The following RBFOX1 variants were observed in gnomAD, a reference collection of about 807,000 sequenced individuals.
The protein encoded by RBFOX1 is RNA binding fox-1 homolog 1, also known as RNA binding protein fox-1 homolog 1.
Under a neutral mutation model 57.7 loss-of-function variants are expected in RBFOX1, and 8 were observed. The ratio of observed to expected loss-of-function variants is 0.14; its 90% CI spans 0.08 to 0.25. RBFOX1 has a LOEUF of 0.25. Among genes scored for constraint, RBFOX1 ranks in the 10% least tolerant of loss-of-function variants. The pLI, the probability that RBFOX1 is intolerant of heterozygous loss-of-function variation, is 1.00. For synonymous variants in RBFOX1, 326 were observed against 222.4 expected (o/e 1.47, Z -4.15); for missense variants, 611 against 548.5 (o/e 1.11, Z -1.14).
chr16:5,544,597 C>G (rs1419415373), intron 2 of RBFOX1, among the ~76,000 whole-genome samples: 1 of 151,828 alleles, frequency 6.6e-6, no homozygotes, highest in East Asian at 1.9e-4. Context: ...TCAATAAAAC[C>G]AACAGCTAGT....
At chr16:6,684,652 A>G (rs2059160398) in intron 3 of RBFOX1, among the ~76,000 whole-genome samples, 1 of 152,186 alleles carries the variant, frequency 6.6e-6, no homozygotes, top group Non-Finnish European at 1.5e-5. Context: ...TGGCTTCTTT[A>G]TCAGTGTCTT....
At chr16:7,635,905 G>C (rs752423145) in intron 11 of RBFOX1, among the ~76,000 whole-genome samples, 1 of 152,058 alleles carries the variant, frequency 6.6e-6, no homozygotes, top group Non-Finnish European at 1.5e-5. Context: ...CCACCTCCTG[G>C]GTTCACACCA....
chr16:7,638,782 A>G (rs1236018113), intron 11 of RBFOX1, among the ~76,000 whole-genome samples: 1 of 152,098 alleles, frequency 6.6e-6, no homozygotes, highest in Non-Finnish European at 1.5e-5. Context: ...TGTTCCAATA[A>G]AACTTTATTT....
At chr16:7,181,296 G>C (rs912716793) in intron 4 of RBFOX1, among the ~76,000 whole-genome samples, 5 of 152,110 alleles carry the variant, frequency 3.3e-5, no homozygotes, top group Admixed American at 1.3e-4. Context: ...ATGAAGTACT[G>C]GATTCAGTAA....
chr16:6,758,725 C>G (rs949213258), intron 3 of RBFOX1, among the ~76,000 whole-genome samples: 1 of 152,128 alleles, frequency 6.6e-6, no homozygotes, highest in African/African-American at 2.4e-5. Context: ...ACATTAAATG[C>G]TTATATTGAT....
At chr16:7,358,545 C>G (rs994894156) in intron 4 of RBFOX1, among the ~76,000 whole-genome samples, 1 of 152,084 alleles carries the variant, frequency 6.6e-6, no homozygotes, top group Non-Finnish European at 1.5e-5. Context: ...CTCAGCCTCC[C>G]TAGCAGCTGG....
At chr16:5,917,675 C>T (rs914777358) in intron 4 of RBFOX1, among the ~76,000 whole-genome samples, 2 of 152,178 alleles carry the variant, frequency 1.3e-5, no homozygotes, top group African/African-American at 4.8e-5. Context: ...TGTCCCCAGT[C>T]CATGCCGCCA....
rs181069932 is a variant in RBFOX1 at position 6,856,990 on chromosome 16, G to C, written c.-15-195067G>C. Among the ~76,000 whole-genome samples, 352 of 152,296 alleles carry C rather than the reference G, an allele frequency of 2.3e-3. 2 individuals are homozygous for C. Among genetic ancestry groups the C allele is most frequent in the African/African-American group, 8.2e-3 (341 of 41,574 alleles). On this transcript the variant is annotated intron_variant, in intron 3 of 15. Coordinates refer to ENST00000550418, the MANE Select transcript of RBFOX1 (RefSeq NM_018723.4). The stretch of plus-strand genomic sequence containing the variant: ...AGGGACAAAGAGAAGGAGGACTTGA[G>C]ATAAATATTAGACATGCTTTGGAGT...
chr16:6,415,749 A>G (rs1271589095), intron 2 of RBFOX1, among the ~76,000 whole-genome samples: 4 of 152,170 alleles, frequency 2.6e-5, no homozygotes, highest in Non-Finnish European at 4.4e-5. Flanking sequence ...CTGTGTGCAG[A>G]GCTCCAATAT....
intron 3 of RBFOX1, among the ~76,000 whole-genome samples, chr16:6,981,599 G>T (rs535818710): frequency 6.6e-6 from 1 of 152,196 alleles, no homozygotes; most frequent in Admixed American, 6.5e-5. Flanking sequence ...AGGCCTCACA[G>T]TCATGATGGG....
chr16:5,980,095 T>C (rs1373745512), intron 4 of RBFOX1, among the ~76,000 whole-genome samples: 1 of 152,202 alleles, frequency 6.6e-6, no homozygotes, highest in African/African-American at 2.4e-5. Context: ...TTAGGCTCCT[T>C]TCTGCCAGCA....
chr16:6,193,364 A>ATATATATACAT (rs1315119908), intron 1 of RBFOX1, among the ~76,000 whole-genome samples: 19 of 120,386 alleles, frequency 1.6e-4, no homozygotes, highest in East Asian at 4.6e-4. Flanking sequence ...CATTATATAT[A>ATATATATACAT]TATATATATA....
At chr16:7,092,072 G>T (rs1380695861) in intron 4 of RBFOX1, among the ~76,000 whole-genome samples, 1 of 152,162 alleles carries the variant, frequency 6.6e-6, no homozygotes, top group Non-Finnish European at 1.5e-5. Flanking sequence ...TAAGATATAT[G>T]CTGGAACACT....
At chr16:7,686,103 T>C (rs1313457258) in intron 14 of RBFOX1, among the ~76,000 whole-genome samples, 2 of 151,892 alleles carry the variant, frequency 1.3e-5, no homozygotes, top group Non-Finnish European at 2.9e-5. Flanking sequence ...AAAGCCCCTC[T>C]AAGAGATCCT....
intron 3 of RBFOX1, among the ~76,000 whole-genome samples, chr16:5,658,829 TA>T (rs2049548368): frequency 6.7e-6 from 1 of 148,304 alleles, no homozygotes; most frequent in Non-Finnish European, 1.5e-5. Flanking sequence ...TATATGTATA[TA>T]TGTATATATA....
chr16:5,950,094 C>T (rs1158372881), intron 4 of RBFOX1, among the ~76,000 whole-genome samples: 1 of 152,228 alleles, frequency 6.6e-6, no homozygotes, highest in Admixed American at 6.5e-5. Context: ...GCAGTGTCCT[C>T]CAGTCTTCTG....
At chr16:5,566,373 G>A (rs1319399508) in intron 2 of RBFOX1, among the ~76,000 whole-genome samples, 1 of 152,096 alleles carries the variant, frequency 6.6e-6, no homozygotes, top group South Asian at 2.1e-4. Flanking sequence ...GCAAATGGTG[G>A]CACGGTACAT....
intron 3 of RBFOX1, among the ~76,000 whole-genome samples, chr16:6,986,184 T>TTTTATTTATTTATTTA (rs201088154): frequency 0.082 from 11,862 of 144,052 alleles, 785 homozygotes; most frequent in East Asian, 0.23. Flanking sequence ...CAATTTCTAT[T>TTTTATTTATTTATTTA]TTTATTTATT....
intron 15 of RBFOX1, chr16:7,709,656 T>G: frequency 6.6e-7 from 1 of 1,519,762 alleles, no homozygotes; most frequent in Non-Finnish European, 8.8e-7. Flanking sequence ...GGGCACACTT[T>G]GTGTGTGTAC....
Sources: gnomAD v4.1 joint callset for allele counts (sites outside exome capture counted in the v4.1 genomes callset) on GRCh38, gnomAD v4.1.1 for gene constraint, MANE v1.5 for transcripts, NCBI Gene and HGNC (gene_info 2026-07-23, HGNC 2026-07-21) for gene names.